Variants in RIC3 observed in about 807,000 individuals in gnomAD.
RIC3 encodes the protein RIC3 acetylcholine receptor chaperone.
A neutral mutation model predicts 27.3 loss-of-function variants in RIC3; 28 were observed. That is an observed-to-expected ratio of 1.02 (90% CI 0.76 to 1.41). RIC3 has a LOEUF of 1.41. Among genes scored for constraint, RIC3 ranks in the 40% most tolerant of loss-of-function variants. RIC3 has a pLI of 0.00. For missense variants in RIC3, 501 were observed against 444.7 expected, an observed-to-expected ratio of 1.13 and a Z score of -1.14; for synonymous variants, 184 against 160.4, an observed-to-expected ratio of 1.15 and a Z score of -1.11.
chr11:8,133,953 T>C (rs1035903730), intron 4 of RIC3, among the ~76,000 whole-genome samples: 12 of 152,006 alleles, frequency 7.9e-5, no homozygotes, highest in African/African-American at 1.2e-4. Flanking sequence ...TGAGGGGCCC[T>C]GCCCACAGAG....
intron 4 of RIC3, among the ~76,000 whole-genome samples, chr11:8,133,961 G>A (rs1049953682): frequency 6.6e-6 from 1 of 151,816 alleles, no homozygotes; most frequent in Non-Finnish European, 1.5e-5. Context: ...CCTGCCCACA[G>A]AGGTTTCATC....
chr11:8,101,707 A>G, downstream of RIC3: 2 of 1,517,398 alleles, frequency 1.3e-6, no homozygotes, highest in Non-Finnish European at 1.8e-6. Flanking sequence ...TCCTCTGTAT[A>G]TAGGCCTTCC....
chr11:8,130,087 T>G (rs948300554), intron 4 of RIC3, among the ~76,000 whole-genome samples: 5 of 152,232 alleles, frequency 3.3e-5, no homozygotes, highest in African/African-American at 1.2e-4. Context: ...TTCTTCTCCA[T>G]TACTCTTATC....
At chr11:8,128,328 A>G (rs2133667040) in intron 4 of RIC3, 2 of 454,800 alleles carry the variant, frequency 4.4e-6, no homozygotes. Flanking sequence ...CTGTTTCCTA[A>G]GTCATGGGAA....
At chr11:8,145,332 TA>T (rs1949567531) in intron 1 of RIC3, among the ~76,000 whole-genome samples, 1 of 152,082 alleles carries the variant, frequency 6.6e-6, no homozygotes, top group African/African-American at 2.4e-5. Context: ...TATGGGGCCA[TA>T]AGGTTTTTTC....
intron 4 of RIC3, among the ~76,000 whole-genome samples, chr11:8,130,063 T>C (rs1241543843): frequency 1.3e-5 from 2 of 152,226 alleles, no homozygotes; most frequent in African/African-American, 2.4e-5. Flanking sequence ...CTCCAATGCA[T>C]CTTTATTTAT....
intron 1 of RIC3, among the ~76,000 whole-genome samples, chr11:8,152,365 A>C (rs1348420945): frequency 6.6e-6 from 1 of 152,262 alleles, no homozygotes; most frequent in East Asian, 1.9e-4. Context: ...GTATATCCAC[A>C]CAACACAGTA....
chr11:8,164,982 T>C (rs558505238), intron 1 of RIC3, among the ~76,000 whole-genome samples: 48 of 152,188 alleles, frequency 3.2e-4, no homozygotes, highest in South Asian at 1.2e-3. Flanking sequence ...CCTACTAGGA[T>C]GGCTATCATC....
chr11:8,162,701 A>G (rs1951297218), intron 1 of RIC3, among the ~76,000 whole-genome samples: 1 of 133,644 alleles, frequency 7.5e-6, no homozygotes, highest in African/African-American at 2.9e-5. Context: ...GCTGGAATGC[A>G]GTGGTGGGAT....
chr11:8,104,849 T>A (rs1944470563), downstream of RIC3: 1 of 151,612 alleles, frequency 6.6e-6, no homozygotes, highest in Admixed American at 6.6e-5. Flanking sequence ...AGGACTGTGA[T>A]AATCAGAAGC....
intron 1 of RIC3, among the ~76,000 whole-genome samples, chr11:8,154,278 C>T (rs751481854): frequency 1.3e-5 from 2 of 152,154 alleles, no homozygotes; most frequent in Admixed American, 6.5e-5. Context: ...TATCAGAATG[C>T]GTGCTTTTAG....
chr11:8,129,556 C>A (rs541223797), intron 4 of RIC3, among the ~76,000 whole-genome samples: 1 of 151,980 alleles, frequency 6.6e-6, no homozygotes, highest in African/African-American at 2.4e-5. Context: ...AACAGGAAGA[C>A]CAGAAGAGGC....
rs33913120 is a variant in RIC3, at chr11:8,165,713, C to CAAAA, written c.124+3149_124+3152dup. On this transcript the variant is annotated intron_variant, in intron 1 of 5. Transcript: ENST00000309737. ...AATTAGATCTCAAGAAAGCTGTTATCAAAAAAAAAAAAGACTTCCCTCCTC... is the reference window on the plus strand; with the variant it reads ...AATTAGATCTCAAGAAAGCTGTTATCAAAAAAAAAAAAAAAAGACTTCCCTCCTC... Among the ~76,000 whole-genome samples, 398 of 134,778 alleles carry CAAAA rather than the reference C, an allele frequency of 3.0e-3. 1 individual carries two copies. Among genetic ancestry groups the CAAAA allele is most frequent in the East Asian group, 4.4e-3 (21 of 4,726 alleles). 88.4% of individuals were successfully genotyped at this position (134,778 alleles called of 152,430 possible). A position where few individuals can be genotyped will look rare whatever the true frequency, so the allele number is the denominator to read the frequency against.
chr11:8,168,292 T>C (rs986242713), intron 1 of RIC3, among the ~76,000 whole-genome samples: 4 of 152,200 alleles, frequency 2.6e-5, no homozygotes, highest in Non-Finnish European at 5.9e-5. Context: ...GGGAACGTAA[T>C]AATTTGTTCA....
the RIC3 span, chr11:8,098,823 C>T: frequency 1.2e-6 from 2 of 1,614,088 alleles, no homozygotes; most frequent in Admixed American, 1.7e-5. Flanking sequence ...AAGGCCTCAT[C>T]CTCCACTTTG....
chr11:8,115,454 T>C (rs1005497803), intron 5 of RIC3, among the ~76,000 whole-genome samples: 1 of 152,004 alleles, frequency 6.6e-6, no homozygotes, highest in African/African-American at 2.4e-5. Context: ...TGCTCAAGGG[T>C]GTTCTTCAAG....
At chr11:8,123,955 G>A (rs1036596010) in intron 5 of RIC3, among the ~76,000 whole-genome samples, 4 of 150,480 alleles carry the variant, frequency 2.7e-5, no homozygotes, top group African/African-American at 7.3e-5. Flanking sequence ...ATGCCTGTAG[G>A]CTCAGCTACT....
chr11:8,114,699 C>T (rs1021705257), intron 5 of RIC3, among the ~76,000 whole-genome samples: 7 of 150,810 alleles, frequency 4.6e-5, no homozygotes, highest in African/African-American at 1.5e-4. Context: ...ACTCAGCGAA[C>T]TTCAAGAAAA....
At chr11:8,111,859 T>C (rs985440088) in intron 5 of RIC3, among the ~76,000 whole-genome samples, 1 of 152,226 alleles carries the variant, frequency 6.6e-6, no homozygotes. Flanking sequence ...ATTACCAAAC[T>C]AAATGAAATA....
Sources: gnomAD v4.1 joint callset for allele counts (sites outside exome capture counted in the v4.1 genomes callset) on GRCh38, gnomAD v4.1.1 for gene constraint, MANE v1.5 for transcripts, NCBI Gene and HGNC (gene_info 2026-07-23, HGNC 2026-07-21) for gene names.